PLCG2: variants seen among roughly 807,000 people sequenced by gnomAD.
PLCG2 encodes phospholipase C gamma 2, also known as 1-phosphatidylinositol 4,5-bisphosphate phosphodiesterase gamma-2.
In PLCG2, 69 loss-of-function variants were observed where a neutral mutation model predicts 175.6. The ratio of observed to expected loss-of-function variants is 0.39; its 90% CI spans 0.32 to 0.48. PLCG2 has a LOEUF of 0.48. Among genes scored for constraint, PLCG2 ranks in the 20% least tolerant of loss-of-function variants. The pLI, the probability that PLCG2 is intolerant of heterozygous loss-of-function variation, is 0.91. For missense variants in PLCG2, 1,798 were observed against 1,650.9 expected, an observed-to-expected ratio of 1.09 and a Z score of -1.54; for synonymous variants, 827 against 624.0, an observed-to-expected ratio of 1.33 and a Z score of -4.85.
intron 1 of PLCG2, among the ~76,000 whole-genome samples, chr16:81,748,547 G>C (rs576033136): frequency 2.0e-5 from 3 of 152,282 alleles, no homozygotes; most frequent in African/African-American, 7.2e-5. Flanking sequence ...ACTGGTTTGG[G>C]GGAGGGGACA....
chr16:81,748,896 A>T (rs1379363615), intron 1 of PLCG2, among the ~76,000 whole-genome samples: 1 of 152,210 alleles, frequency 6.6e-6, no homozygotes, highest in Non-Finnish European at 1.5e-5. Flanking sequence ...ATGCTGGCAG[A>T]GCTGGGATTG....
intron 12 of PLCG2, 92 bp downstream of exon 12, chr16:81,893,886 G>A: frequency 2.6e-6 from 2 of 764,218 alleles, no homozygotes; most frequent in Non-Finnish European, 2.3e-6. Flanking sequence ...TTGTAAAAAG[G>A]TTTTAATGGA....
intron 2 of PLCG2, among the ~76,000 whole-genome samples, chr16:81,801,901 G>A (rs1276303087): frequency 6.6e-6 from 1 of 151,650 alleles, no homozygotes; most frequent in African/African-American, 2.4e-5. Context: ...GGCTGGTCTC[G>A]AACTCCTGAC....
At chr16:81,859,511 TTGAC>T in intron 5 of PLCG2, among the ~76,000 whole-genome samples, 1 of 150,546 alleles carries the variant, frequency 6.6e-6, no homozygotes, top group African/African-American at 2.4e-5. Context: ...GAGAGATTGA[TTGAC>T]CGTGAAGAAG....
At chr16:81,886,720 C>G (rs980100388) in intron 9 of PLCG2, among the ~76,000 whole-genome samples, 3 of 152,156 alleles carry the variant, frequency 2.0e-5, no homozygotes, top group Non-Finnish European at 4.4e-5. Context: ...GACTAGAAGC[C>G]TCTCCTCTGT....
rs552945318 is a variant in PLCG2 at position 81,890,005 on chromosome 16, C to A, written c.867+732C>A. On this transcript the variant is annotated intron_variant, in intron 10 of 32. Transcript: ENST00000564138. ...TGTTTGGCGGGCCAGGGAAAGGGTG[C>A]TGCTGATTGGTTGGAGATGCAATCA... Among the ~76,000 whole-genome samples the A allele has an allele frequency of 2.6e-5, 4 of 151,962 alleles. No individual in the cohort carries two copies. In the South Asian group the frequency reaches 8.3e-4, roughly 32 times the overall value.
At chr16:81,930,226 C>T (rs1172097329) in intron 24 of PLCG2, among the ~76,000 whole-genome samples, 2 of 151,980 alleles carry the variant, frequency 1.3e-5, no homozygotes, top group Non-Finnish European at 2.9e-5. Context: ...AGAATATTGC[C>T]TGGTATATAA....
chr16:81,952,525 A>G (rs1312224366), intron 31 of PLCG2, among the ~76,000 whole-genome samples: 1 of 152,230 alleles, frequency 6.6e-6, no homozygotes, highest in Non-Finnish European at 1.5e-5. Context: ...TAAATAAAGA[A>G]GTGCTGAAAA....
At chr16:81,771,634 A>G (rs1910283343) in intron 2 of PLCG2, among the ~76,000 whole-genome samples, 1 of 151,870 alleles carries the variant, frequency 6.6e-6, no homozygotes, top group South Asian at 2.1e-4. Flanking sequence ...GGTCTAATCT[A>G]TTTGCCTAAT....
At chr16:81,916,299 A>T (rs955220121) in intron 19 of PLCG2, among the ~76,000 whole-genome samples, 1 of 24,416 alleles carries the variant, frequency 4.1e-5, no homozygotes, top group African/African-American at 2.3e-4. Flanking sequence ...TAAAAAAAGA[A>T]AAAAAACAAC....
intron 9 of PLCG2, among the ~76,000 whole-genome samples, chr16:81,888,854 A>C (rs543431649): frequency 7.9e-5 from 12 of 152,324 alleles, no homozygotes; most frequent in African/African-American, 2.6e-4. Context: ...ATATTGTTGG[A>C]ATACAACCAT....
At chr16:81,822,571 A>G (rs188068712) in intron 2 of PLCG2, among the ~76,000 whole-genome samples, 216 of 152,220 alleles carry the variant, frequency 1.4e-3, no homozygotes, top group Non-Finnish European at 2.5e-3. Flanking sequence ...AGCCTGGCCA[A>G]TATGGCGAAA....
At chr16:81,946,965 C>T (rs1391014618) in intron 31 of PLCG2, among the ~76,000 whole-genome samples, 2 of 152,078 alleles carry the variant, frequency 1.3e-5, no homozygotes, top group East Asian at 3.9e-4. Context: ...GGGATTTGTG[C>T]ATCTATTGCC....
intron 12 of PLCG2, 137 bp from the exon 13 acceptor site, chr16:81,895,668 ATG>A: frequency 1.2e-6 from 1 of 862,908 alleles, no homozygotes; most frequent in East Asian, 2.5e-5. Context: ...AGGGAAAGCC[ATG>A]TCCTCGTGTT....
In PLCG2 at chr16:81,919,280, C is replaced by G. The variant is rs35371300; in HGVS notation, c.2055-204C>G. Among the ~76,000 whole-genome samples the G allele has an allele frequency of 0.11, 17,321 of 152,196 alleles. 1,315 individuals carry two copies. Among genetic ancestry groups the G allele is most frequent in the Non-Finnish European group, 0.16 (11,169 of 67,984 alleles). On this transcript the variant is annotated intron_variant, in intron 19 of 32. Coordinates refer to ENST00000564138, the MANE Select transcript of PLCG2 (RefSeq NM_002661.5). ...TCACTCGGCCATATTTCTTCTGAGA[C>G]ACAGATTCTTCTAGATCTGTTTTGA...
chr16:81,791,588 A>G (rs1264215800), intron 2 of PLCG2, among the ~76,000 whole-genome samples: 1 of 152,124 alleles, frequency 6.6e-6, no homozygotes. Flanking sequence ...TTTGTTTTTC[A>G]GACGGAATCT....
At chr16:81,876,163 C>T (rs1327558426) in intron 7 of PLCG2, among the ~76,000 whole-genome samples, 1 of 151,746 alleles carries the variant, frequency 6.6e-6, no homozygotes, top group Non-Finnish European at 1.5e-5. Context: ...GTACCTGGGA[C>T]CACAGGCGTG....
At chr16:81,900,109 C>T (rs12934982) in intron 13 of PLCG2, among the ~76,000 whole-genome samples, 2 of 102,380 alleles carry the variant, frequency 2.0e-5, no homozygotes, top group South Asian at 6.6e-4. Flanking sequence ...TATGCATGCA[C>T]ACATGCAAAT....
At chr16:81,910,479 G>C (rs1909570789) in intron 17 of PLCG2, 41 bp from the exon 18 acceptor site, 6 of 1,589,358 alleles carry the variant, frequency 3.8e-6, no homozygotes, top group Non-Finnish European at 4.3e-6. Context: ...CAATGGCCTG[G>C]CCTGCGTTCT....
Sources: gnomAD v4.1 joint callset for allele counts (sites outside exome capture counted in the v4.1 genomes callset) on GRCh38, gnomAD v4.1.1 for gene constraint, MANE v1.5 for transcripts, NCBI Gene and HGNC (gene_info 2026-07-23, HGNC 2026-07-21) for gene names.